The following LIMCH1 variants were observed in gnomAD, a reference collection of about 807,000 sequenced individuals.
The protein encoded by LIMCH1 is LIM and calponin homology domains 1.
A neutral mutation model predicts 176.5 loss-of-function variants in LIMCH1; 113 were observed. The observed-to-expected ratio is 0.64, with a 90% confidence interval of 0.55 to 0.75. LIMCH1 has a LOEUF of 0.75. Ranked by LOEUF, LIMCH1 falls within the 30% of genes least tolerant of loss-of-function variation. The pLI is 0.00. For missense variants in LIMCH1, 1,674 were observed against 1,814.9 expected, an observed-to-expected ratio of 0.92 and a Z score of 1.41; for synonymous variants, 619 against 645.9, an observed-to-expected ratio of 0.96 and a Z score of 0.63.
intron 2 of LIMCH1, among the ~76,000 whole-genome samples, chr4:41,602,072 GGTGTGTGTGT>G (rs141117600): frequency 2.1e-5 from 3 of 141,060 alleles, no homozygotes; most frequent in African/African-American, 7.9e-5. Context: ...TTTCTTGTGT[GGTGTGTGTGT>G]GTGTGTGTGT....
intron 1 of LIMCH1, among the ~76,000 whole-genome samples, chr4:41,443,475 A>G (rs1047231666): frequency 2.6e-5 from 4 of 152,178 alleles, no homozygotes; most frequent in Non-Finnish European, 5.9e-5. Context: ...AGTAGTATGG[A>G]CTTTGCTCTT....
chr4:41,635,384 C>T (rs1267201585), intron 13 of LIMCH1, among the ~76,000 whole-genome samples: 2 of 152,116 alleles, frequency 1.3e-5, no homozygotes, highest in Non-Finnish European at 2.9e-5. Context: ...CCCTCCACCA[C>T]GCCCAGCTAA....
At chr4:41,435,209 G>T (rs1322250083) in intron 1 of LIMCH1, among the ~76,000 whole-genome samples, 1 of 152,188 alleles carries the variant, frequency 6.6e-6, no homozygotes, top group Non-Finnish European at 1.5e-5. Flanking sequence ...TGTTACCACA[G>T]AAGTCCTTAT....
intron 1 of LIMCH1, among the ~76,000 whole-genome samples, chr4:41,430,783 T>C (rs1488816290): frequency 6.6e-6 from 1 of 152,250 alleles, no homozygotes; most frequent in African/African-American, 2.4e-5. Context: ...TGCCATGCTT[T>C]AGCAGTCTAA....
At chr4:41,626,165 C>T (rs938198437) in intron 7 of LIMCH1, among the ~76,000 whole-genome samples, 22 of 152,106 alleles carry the variant, frequency 1.4e-4, no homozygotes, top group African/African-American at 4.8e-4. Flanking sequence ...TATGAGTGGT[C>T]GTAAACTATC....
intron 1 of LIMCH1, among the ~76,000 whole-genome samples, chr4:41,544,447 C>G (rs1313043957): frequency 2.0e-5 from 3 of 152,156 alleles, no homozygotes; most frequent in Non-Finnish European, 4.4e-5. Flanking sequence ...ATTTTCTGCT[C>G]CTGTCGAGGG....
chr4:41,608,911 C>A (rs1339745445), intron 4 of LIMCH1, among the ~76,000 whole-genome samples: 1 of 152,178 alleles, frequency 6.6e-6, no homozygotes, highest in Non-Finnish European at 1.5e-5. Context: ...GGCAAACATT[C>A]CCTTATAACA....
chr4:41,648,218 A>T (rs1006994167), intron 17 of LIMCH1, among the ~76,000 whole-genome samples: 3 of 152,210 alleles, frequency 2.0e-5, no homozygotes, highest in Non-Finnish European at 4.4e-5. Context: ...ACATTTATTT[A>T]ACTGGATTTC....
intron 20 of LIMCH1, among the ~76,000 whole-genome samples, chr4:41,664,199 A>G (rs928179138): frequency 8.5e-5 from 13 of 152,202 alleles, no homozygotes; most frequent in Non-Finnish European, 1.8e-4. Context: ...GTAGTGGTGT[A>G]CCACCTTTCA....
intron 1 of LIMCH1, among the ~76,000 whole-genome samples, chr4:41,446,196 G>A (rs138678190): frequency 8.5e-5 from 13 of 152,200 alleles, no homozygotes; most frequent in African/African-American, 2.9e-4. Context: ...TCTGCTAGTC[G>A]TTGGTTTTTG....
At chr4:41,454,936 G>A (rs7659713) in intron 1 of LIMCH1, among the ~76,000 whole-genome samples, 1,881 of 143,356 alleles carry the variant, frequency 0.013, 46 homozygotes, top group African/African-American at 0.05. Context: ...GCTTGTATGC[G>A]TACATGTGTG....
At chr4:41,444,307 TATATATACACAC>T (rs1467055796) in intron 1 of LIMCH1, among the ~76,000 whole-genome samples, 146 of 72,480 alleles carry the variant, frequency 2.0e-3, no homozygotes, top group African/African-American at 0.014. Context: ...TGTGTGTGTA[TATATATACACAC>T]ACACACACAC....
intron 1 of LIMCH1, among the ~76,000 whole-genome samples, chr4:41,450,730 G>GGTT (rs1234474319): frequency 6.7e-6 from 1 of 149,118 alleles, no homozygotes; most frequent in Non-Finnish European, 1.5e-5. Context: ...GGTAGGCAGA[G>GGTT]GTTGCAGTGA....
intron 1 of LIMCH1, among the ~76,000 whole-genome samples, chr4:41,468,335 T>TCCC (rs2066446387): frequency 8.7e-5 from 2 of 22,886 alleles, no homozygotes; most frequent in Non-Finnish European, 8.9e-5. Context: ...CCTGCTCCCC[T>TCCC]CCCCTCCCCT....
chr4:41,583,742 G>A (rs562461241), intron 1 of LIMCH1, among the ~76,000 whole-genome samples: 1 of 151,722 alleles, frequency 6.6e-6, no homozygotes, highest in South Asian at 2.1e-4. Flanking sequence ...AAACATAAAA[G>A]GAGTGGTGGT....
At chr4:41,545,880 T>G (rs1046314826) in intron 1 of LIMCH1, among the ~76,000 whole-genome samples, 10 of 152,204 alleles carry the variant, frequency 6.6e-5, no homozygotes, top group Non-Finnish European at 2.9e-5. Context: ...AATTTTTTTT[T>G]GGCCATAGTT....
intron 21 of LIMCH1, among the ~76,000 whole-genome samples, chr4:41,669,336 CAGG>C (rs1467837346): frequency 6.6e-6 from 1 of 152,136 alleles, no homozygotes. Flanking sequence ...AGAATAGCAG[CAGG>C]AGGAGTAAAA....
intron 1 of LIMCH1, among the ~76,000 whole-genome samples, chr4:41,594,598 C>T (rs1186002533): frequency 6.6e-6 from 1 of 152,212 alleles, no homozygotes; most frequent in Non-Finnish European, 1.5e-5. Context: ...CTGGGTGGCT[C>T]TTCCTTCTGG....
chr4:41,644,872 G>A (rs967525600), intron 15 of LIMCH1, among the ~76,000 whole-genome samples: 1 of 152,156 alleles, frequency 6.6e-6, no homozygotes, highest in South Asian at 2.1e-4. Flanking sequence ...GAGGGGAGGG[G>A]AGGCAGGAAA....
Sources: allele counts gnomAD v4.1 joint callset (sites outside exome capture counted in the v4.1 genomes callset), GRCh38; gene constraint gnomAD v4.1.1; transcripts MANE v1.5; gene names NCBI Gene and HGNC (gene_info 2026-07-23, HGNC 2026-07-21).